The following GRM1 variants were observed in gnomAD, a reference collection of about 807,000 sequenced individuals.
GRM1 encodes glutamate metabotropic receptor 1, also known as metabotropic glutamate receptor 1.
In GRM1, 33 loss-of-function variants were observed where a neutral mutation model predicts 90.9. The ratio of observed to expected loss-of-function variants is 0.36; its 90% confidence interval spans 0.28 to 0.49. GRM1 has a LOEUF of 0.49. Ranked by LOEUF, GRM1 falls within the 20% of genes least tolerant of loss-of-function variation. The pLI is 0.99. For synonymous variants in GRM1, 700 were observed against 613.2 expected (o/e 1.14, Z -2.09); for missense variants, 1,190 against 1,534.3 (o/e 0.78, Z 3.75).
chr6:146,192,259 A>G (rs149086604), intron 2 of GRM1, among the ~76,000 whole-genome samples: 2 of 152,362 alleles, frequency 1.3e-5, no homozygotes, highest in East Asian at 3.9e-4. Context: ...ATGTTGAAAT[A>G]GGATAAATGG....
intron 2 of GRM1, among the ~76,000 whole-genome samples, chr6:146,169,724 C>G (rs1180209054): frequency 1.3e-5 from 2 of 152,142 alleles, no homozygotes; most frequent in African/African-American, 4.8e-5. Flanking sequence ...TGGTTCATCT[C>G]TTTGATTTTA....
At chr6:146,280,977 CT>C (rs1468347989) in intron 2 of GRM1, among the ~76,000 whole-genome samples, 2 of 152,052 alleles carry the variant, frequency 1.3e-5, no homozygotes, top group Non-Finnish European at 2.9e-5. Context: ...CCCATCCTTT[CT>C]TTTCTTGCCT....
intron 2 of GRM1, among the ~76,000 whole-genome samples, chr6:146,260,804 G>GTTTTTTTTTTTTTTTTTTTTTT (rs56956724): frequency 1.3e-4 from 3 of 22,712 alleles, no homozygotes; most frequent in African/African-American, 5.1e-4. Flanking sequence ...GGTTATTTGG[G>GTTTTTTTTTTTTTTTTTTTTTT]TTTTTTTTTT....
At chr6:146,063,738 TATATTA>T (rs1479638236) in intron 1 of GRM1, among the ~76,000 whole-genome samples, 1 of 152,162 alleles carries the variant, frequency 6.6e-6, no homozygotes, top group Non-Finnish European at 1.5e-5. Flanking sequence ...ATTAATACTA[TATATTA>T]ATATCAACAT....
chr6:146,241,443 G>T (rs1464964317), intron 2 of GRM1, among the ~76,000 whole-genome samples: 1 of 152,018 alleles, frequency 6.6e-6, no homozygotes, highest in South Asian at 2.1e-4. Flanking sequence ...GAAGATCTTG[G>T]TATTCTTTTG....
In GRM1 at chr6:146,435,461, T is replaced by C. The variant is rs362828; in HGVS notation, c.*665T>C. 4.0e-3 allele frequency: 616 copies of C among 155,810 alleles called. 14 individuals are homozygous for C. In the East Asian group the frequency reaches 0.072, roughly 18 times the overall value. The allele number at this position is 155,810 out of a possible 1,614,324, so 9.7% of individuals were successfully genotyped here. A position where few individuals can be genotyped will look rare whatever the true frequency, so the allele number is the denominator to read the frequency against. ...AACCCATCCAGTGCCAGCTTTGAGA[T>C]TGCACTTGAAGAAAGGTGCATGGAC... On this transcript the variant is annotated 3_prime_UTR_variant, in exon 8 of 8. Transcript: ENST00000282753.
At chr6:146,134,774 CA>C (rs573268833) in intron 1 of GRM1, among the ~76,000 whole-genome samples, 1 of 152,012 alleles carries the variant, frequency 6.6e-6, no homozygotes, top group Non-Finnish European at 1.5e-5. Context: ...ACTAAAAATA[CA>C]AAAAATGTAG....
intron 2 of GRM1, among the ~76,000 whole-genome samples, chr6:146,271,892 C>T (rs1782175284): frequency 6.6e-6 from 1 of 152,210 alleles, no homozygotes; most frequent in Non-Finnish European, 1.5e-5. Flanking sequence ...TCTCTAACGT[C>T]TGGTAGTCTT....
In GRM1 at chr6:146,379,399, C is replaced by T. The variant is rs147848204; in HGVS notation, c.1603-7491C>T. ...TCTTCAGTATGCTAATTGCATTTTT[C>T]AGATCCAGAATTTCTGCTTGTTTCT... On this transcript the variant is annotated intron_variant, in intron 5 of 7. Transcript: ENST00000282753. 6.9e-3 allele frequency among the ~76,000 whole-genome samples: 1,052 copies of T among 152,042 alleles called. 9 individuals carry two copies. Among genetic ancestry groups the T allele is most frequent in the Middle Eastern group, 0.034 (10 of 294 alleles).
At chr6:146,270,085 T>C (rs1782058330) in intron 2 of GRM1, among the ~76,000 whole-genome samples, 1 of 152,164 alleles carries the variant, frequency 6.6e-6, no homozygotes, top group Non-Finnish European at 1.5e-5. Flanking sequence ...TTTATGTTTT[T>C]GTCCATCACA....
chr6:146,035,677 G>C (rs552258382), intron 1 of GRM1, among the ~76,000 whole-genome samples: 6 of 151,704 alleles, frequency 4.0e-5, no homozygotes, highest in Non-Finnish European at 7.4e-5. Flanking sequence ...TTTACCTTGC[G>C]CTGGAATATG....
chr6:146,058,384 A>T (rs1775553659), intron 1 of GRM1, among the ~76,000 whole-genome samples: 1 of 152,164 alleles, frequency 6.6e-6, no homozygotes, highest in African/African-American at 2.4e-5. Flanking sequence ...TTTACACTAT[A>T]CTATAATTTT....
intron 2 of GRM1, among the ~76,000 whole-genome samples, chr6:146,291,767 T>C (rs1174253617): frequency 1.3e-5 from 2 of 152,060 alleles, no homozygotes; most frequent in African/African-American, 4.8e-5. Flanking sequence ...TTCAATTCAA[T>C]CTTTATTAAA....
At chr6:146,190,558 C>A (rs532306480) in intron 2 of GRM1, among the ~76,000 whole-genome samples, 2 of 152,080 alleles carry the variant, frequency 1.3e-5, no homozygotes, top group Admixed American at 1.3e-4. Flanking sequence ...AACGAGATTA[C>A]GGAACAGCCA....
At position 146,435,379 on chromosome 6, in the gene GRM1, C is replaced by T. The variant is rs3747760; in HGVS notation, c.*583C>T. ...TTCTCCCCGCTGGGCTGACAGACTC[C>T]TCATCTTCAGGAGACTCAGGAATGG... On this transcript the variant is annotated 3_prime_UTR_variant, in exon 8 of 8. Transcript: ENST00000282753. The T allele has an allele frequency of 5.4e-6, 1 of 185,098 alleles. No individual in the cohort carries two copies. The highest frequency in any genetic ancestry group is 1.3e-4 in the East Asian group (1 of 7,546). 11.5% of individuals were successfully genotyped at this position (185,098 alleles called of 1,614,324 possible). A position where few individuals can be genotyped will look rare whatever the true frequency, so the allele number is the denominator to read the frequency against.
rs1234397324 is a variant in GRM1 at position 146,296,169 on chromosome 6, G to A, written c.951-8442G>A. ...TGTCTTTGCTATTGTGAATAGTGCT[G>A]CAGTGAACATTTACTTGCATGTGTC... On this transcript the variant is annotated intron_variant, in intron 2 of 7. Transcript: ENST00000282753. Among the ~76,000 whole-genome samples, 3 of 152,166 alleles carry A rather than the reference G, an allele frequency of 2.0e-5. No individual in the cohort carries two copies. The East Asian group carries it at 5.8e-4, about 29-fold the overall frequency.
chr6:146,421,958 G>A lies in GRM1; in HGVS notation c.2661-11914G>A, dbSNP rs563186701. The stretch of plus-strand genomic sequence containing the variant: ...ATTTGGCTTTGGAAAGCAATCAGAG[G>A]CACAAATTATGTATTTATCTATAAA... On this transcript the variant is annotated intron_variant, in intron 7 of 7. Transcript: ENST00000282753. 2.3e-3 allele frequency among the ~76,000 whole-genome samples: 348 copies of A among 152,062 alleles called. 1 individual carries two copies. The highest frequency in any genetic ancestry group is 8.2e-3 in the African/African-American group (340 of 41,490).
In GRM1 at chr6:146,397,473, C is replaced by CAAAAAAAAAAAAAA. The variant is rs1195779695; in HGVS notation, c.1730-1286_1730-1285insAAAAAAAAAAAAAA. 4.2e-4 allele frequency among the ~76,000 whole-genome samples: 7 copies of CAAAAAAAAAAAAAA among 16,764 alleles called. 1 individual carries two copies. The highest frequency in any genetic ancestry group is 1.5e-3 in the African/African-American group (7 of 4,578). The allele number at this position is 16,764 out of a possible 152,430, so 11.0% of individuals were successfully genotyped here. ...TGGGCAACAGAGTGAGACCCCGTCTCAAAAAAAAAAGAAAAAAAAAAAAAA... is the reference window on the plus strand; with the variant it reads ...TGGGCAACAGAGTGAGACCCCGTCTCAAAAAAAAAAAAAAAAAAAAAAAAGAAAAAAAAAAAAAA... On this transcript the variant is annotated intron_variant, in intron 6 of 7. Coordinates refer to ENST00000282753, the MANE Select transcript of GRM1 (RefSeq NM_001278064.2).
chr6:146,048,511 T>A (rs1482304574), intron 1 of GRM1, among the ~76,000 whole-genome samples: 1 of 152,016 alleles, frequency 6.6e-6, no homozygotes, highest in Non-Finnish European at 1.5e-5. Flanking sequence ...TTGCCCTCTG[T>A]TTTTGTTATG....
Sources: allele counts gnomAD v4.1 joint callset (sites outside exome capture counted in the v4.1 genomes callset), GRCh38; gene constraint gnomAD v4.1.1; transcripts MANE v1.5; gene names NCBI Gene and HGNC (gene_info 2026-07-23, HGNC 2026-07-21).